Variants in ADAMTS6 observed in about 807,000 individuals in gnomAD.
The protein encoded by ADAMTS6 is ADAM metallopeptidase with thrombospondin type 1 motif 6.
ADAMTS6 carries 23 observed loss-of-function variants against 144.3 expected under a neutral mutation model. That is an observed-to-expected ratio of 0.16 (90% CI 0.11 to 0.23). ADAMTS6 has a LOEUF of 0.23. Ranked by LOEUF, ADAMTS6 falls within the 10% of genes least tolerant of loss-of-function variation. ADAMTS6 has a pLI of 1.00. For missense variants in ADAMTS6, 999 were observed against 1,379.6 expected (o/e 0.72, Z 4.37); for synonymous variants, 444 against 457.5 (o/e 0.97, Z 0.38).
intron 7 of ADAMTS6, among the ~76,000 whole-genome samples, chr5:65,340,229 C>T (rs955956208): frequency 1.3e-5 from 2 of 151,458 alleles, no homozygotes; most frequent in Non-Finnish European, 2.9e-5. Context: ...ATTTAAAGCA[C>T]TGAAAGAAAA....
At chr5:65,370,641 G>A (rs769054210) in intron 7 of ADAMTS6, among the ~76,000 whole-genome samples, 3 of 152,162 alleles carry the variant, frequency 2.0e-5, no homozygotes, top group Non-Finnish European at 2.9e-5. Context: ...ACGGAGTCTC[G>A]CTGATTGCTA....
At chr5:65,357,642 A>G (rs1270347647) in intron 7 of ADAMTS6, among the ~76,000 whole-genome samples, 1 of 151,718 alleles carries the variant, frequency 6.6e-6, no homozygotes, top group Non-Finnish European at 1.5e-5. Flanking sequence ...AAAAAACATA[A>G]ACAAAAGAGA....
At chr5:65,188,975 A>G (rs1862571) in intron 21 of ADAMTS6, among the ~76,000 whole-genome samples, 114,436 of 152,144 alleles carry the variant, frequency 0.75, 43,601 homozygotes, top group African/African-American at 0.86. Flanking sequence ...GACAGAGAAG[A>G]CCAGGTATCC....
chr5:65,307,929 G>A (rs879101827), intron 9 of ADAMTS6, among the ~76,000 whole-genome samples: 5 of 152,122 alleles, frequency 3.3e-5, no homozygotes, highest in Admixed American at 3.3e-4. Context: ...TAAAGTCGCA[G>A]CCTCCCTTGT....
chr5:65,452,695 G>C lies in ADAMTS6; in HGVS notation c.843+12C>G, dbSNP rs1561554905. The C allele has an allele frequency of 1.2e-6, 2 of 1,612,994 alleles. No individual in the cohort carries two copies. Among genetic ancestry groups the C allele is most frequent in the African/African-American group, 2.7e-5 (2 of 74,972 alleles). On this transcript the variant is annotated intron_variant, in intron 5 of 24. Coordinates refer to ENST00000381055, the MANE Select transcript of ADAMTS6 (RefSeq NM_197941.4). ...TATGAAGTAAAATATTATATAGAGG[G>C]ATCAAACTTACAATATTCATCACAC...
At chr5:65,359,133 G>A (rs923146832) in intron 7 of ADAMTS6, among the ~76,000 whole-genome samples, 2 of 151,926 alleles carry the variant, frequency 1.3e-5, no homozygotes, top group African/African-American at 4.8e-5. Flanking sequence ...ATATTTCATC[G>A]GGGTTAATGT....
intron 10 of ADAMTS6, among the ~76,000 whole-genome samples, chr5:65,298,612 C>T (rs1046639188): frequency 6.6e-5 from 10 of 152,124 alleles, no homozygotes; most frequent in African/African-American, 1.4e-4. Flanking sequence ...ACCTTTATAG[C>T]ACTTCAATCA....
chr5:65,180,604 G>A (rs1754287786), intron 22 of ADAMTS6, among the ~76,000 whole-genome samples: 1 of 152,018 alleles, frequency 6.6e-6, no homozygotes, highest in East Asian at 1.9e-4. Flanking sequence ...TTTCTAGTAG[G>A]TCTCCTGTTT....
chr5:65,161,265 T>G (rs2112000830), intron 24 of ADAMTS6, among the ~76,000 whole-genome samples: 1 of 151,972 alleles, frequency 6.6e-6, no homozygotes, highest in Non-Finnish European at 1.5e-5. Context: ...GTCAAACTCC[T>G]GGGCTCAAGC....
intron 12 of ADAMTS6, among the ~76,000 whole-genome samples, chr5:65,264,973 G>A (rs1761494098): frequency 6.6e-6 from 1 of 152,064 alleles, no homozygotes; most frequent in Non-Finnish European, 1.5e-5. Flanking sequence ...AGATACTGGA[G>A]GGTAAAGAAA....
At chr5:65,171,798 G>A (rs564481252) in intron 23 of ADAMTS6, among the ~76,000 whole-genome samples, 1 of 152,184 alleles carries the variant, frequency 6.6e-6, no homozygotes, top group East Asian at 1.9e-4. Flanking sequence ...TCTCAAATGA[G>A]CGTGTCTCCC....
At chr5:65,388,968 G>A (rs1338683569) in intron 7 of ADAMTS6, among the ~76,000 whole-genome samples, 1 of 152,198 alleles carries the variant, frequency 6.6e-6, no homozygotes, top group Non-Finnish European at 1.5e-5. Flanking sequence ...AGCACTTTGG[G>A]AGGCCGAGGT....
At chr5:65,386,052 A>G (rs1187678796) in intron 7 of ADAMTS6, among the ~76,000 whole-genome samples, 2 of 152,198 alleles carry the variant, frequency 1.3e-5, no homozygotes, top group African/African-American at 4.8e-5. Context: ...CATTTTAACA[A>G]TATGGGCTAT....
At chr5:65,285,110 T>C (rs1342777183) in intron 11 of ADAMTS6, among the ~76,000 whole-genome samples, 2 of 152,152 alleles carry the variant, frequency 1.3e-5, no homozygotes, top group Non-Finnish European at 2.9e-5. Flanking sequence ...TTTTCTAACA[T>C]GGGTTTTCCA....
intron 12 of ADAMTS6, among the ~76,000 whole-genome samples, chr5:65,272,004 T>G (rs981156715): frequency 6.6e-6 from 1 of 152,226 alleles, no homozygotes; most frequent in African/African-American, 2.4e-5. Flanking sequence ...ATATTTAGCA[T>G]AATTTACCAA....
chr5:65,379,835 T>C (rs980212057), intron 7 of ADAMTS6, among the ~76,000 whole-genome samples: 2 of 152,056 alleles, frequency 1.3e-5, no homozygotes, highest in Non-Finnish European at 2.9e-5. Context: ...TGTGTTTATA[T>C]ATAATTATAT....
At chr5:65,220,446 A>G (rs1757238883) in intron 18 of ADAMTS6, among the ~76,000 whole-genome samples, 1 of 152,136 alleles carries the variant, frequency 6.6e-6, no homozygotes, top group African/African-American at 2.4e-5. Flanking sequence ...AAAGAAACAA[A>G]CAGAAGAGTG....
At chr5:65,265,463 CCA>C (rs1289366640) in intron 12 of ADAMTS6, among the ~76,000 whole-genome samples, 1 of 152,030 alleles carries the variant, frequency 6.6e-6, no homozygotes, top group Non-Finnish European at 1.5e-5. Flanking sequence ...CAAATAATCT[CCA>C]GTTTTGTGGT....
At chr5:65,185,528 G>A (rs1754624560) in intron 22 of ADAMTS6, among the ~76,000 whole-genome samples, 2 of 152,208 alleles carry the variant, frequency 1.3e-5, no homozygotes, top group African/African-American at 4.8e-5. Flanking sequence ...CTGAGGCAGT[G>A]GTCCCCACAT....
Sources: allele counts gnomAD v4.1 joint callset (sites outside exome capture counted in the v4.1 genomes callset), GRCh38; gene constraint gnomAD v4.1.1; transcripts MANE v1.5; gene names NCBI Gene and HGNC (gene_info 2026-07-23, HGNC 2026-07-21).